Variants in HS6ST2 observed in about 807,000 individuals in gnomAD.
HS6ST2 encodes heparan-sulfate 6-O-sulfotransferase 2.
In HS6ST2, 17 loss-of-function variants were observed where a neutral mutation model predicts 33.0. That is an observed-to-expected ratio of 0.52 (90% CI 0.35 to 0.77). HS6ST2 has a LOEUF of 0.77. HS6ST2 is among the 30% of genes least tolerant of loss of function. The probability of loss-of-function intolerance (pLI) is 0.01; values close to 1 mark genes in which losing one functional copy is unlikely to be tolerated. For synonymous variants in HS6ST2, 248 were observed against 237.1 expected, an observed-to-expected ratio of 1.05 and a Z score of -0.42; for missense variants, 519 against 551.7, an observed-to-expected ratio of 0.94 and a Z score of 0.59.
At chrX:132,799,154 A>G (rs1028318683) in intron 2 of HS6ST2, among the ~76,000 whole-genome samples, 2 of 110,985 alleles carry the variant, frequency 1.8e-5, no homozygotes, top group Non-Finnish European at 3.8e-5. Context: ...TTTCAGAGAA[A>G]CTGATGGTTA....
intron 2 of HS6ST2, among the ~76,000 whole-genome samples, chrX:132,865,365 T>C (rs1266014124): frequency 9.0e-6 from 1 of 110,953 alleles, no homozygotes; most frequent in Non-Finnish European, 1.9e-5. Flanking sequence ...ATTTTCTTTA[T>C]CCAGTCTATC....
intron 2 of HS6ST2, among the ~76,000 whole-genome samples, chrX:132,807,491 G>A (rs770733550): frequency 1.6e-4 from 18 of 111,119 alleles, no homozygotes; most frequent in African/African-American, 5.9e-4. Flanking sequence ...TGTCAGGGTA[G>A]GGGAGGAGGA....
chrX:132,957,617 C>T (rs2067098325), intron 1 of HS6ST2, among the ~76,000 whole-genome samples: 1 of 109,363 alleles, frequency 9.1e-6, no homozygotes, highest in Admixed American at 9.5e-5. Flanking sequence ...CTCCCCGGAG[C>T]CCCTCCACGG....
intron 2 of HS6ST2, among the ~76,000 whole-genome samples, chrX:132,743,562 C>T (rs1174548698): frequency 8.9e-6 from 1 of 111,894 alleles, no homozygotes; most frequent in African/African-American, 3.3e-5. Context: ...TGACCACTTA[C>T]ATACCAAGCC....
intron 3 of HS6ST2, among the ~76,000 whole-genome samples, chrX:132,693,391 G>C (rs2064081476): frequency 8.9e-6 from 1 of 111,890 alleles, no homozygotes; most frequent in South Asian, 3.8e-4. Context: ...GGATTTACTA[G>C]TGGTGTCAAA....
At chrX:132,687,881 TG>T (rs2064031660) in intron 3 of HS6ST2, among the ~76,000 whole-genome samples, 1 of 111,297 alleles carries the variant, frequency 9.0e-6, no homozygotes, top group Non-Finnish European at 1.9e-5. Flanking sequence ...CCCCAGTAGT[TG>T]GGATTACAGG....
chrX:132,767,250 G>A (rs183904537), intron 2 of HS6ST2, among the ~76,000 whole-genome samples: 2 of 112,152 alleles, frequency 1.8e-5, no homozygotes, highest in South Asian at 3.8e-4. Flanking sequence ...ACAAGGTCTC[G>A]CTCTGTCACC....
chrX:132,687,180 T>C (rs2064024651), intron 3 of HS6ST2, among the ~76,000 whole-genome samples: 1 of 111,407 alleles, frequency 9.0e-6, no homozygotes, highest in Non-Finnish European at 1.9e-5. Flanking sequence ...ATGTCTTCTG[T>C]CCACTTATCA....
chrX:132,691,346 C>T (rs1029827808), intron 3 of HS6ST2, among the ~76,000 whole-genome samples: 20 of 111,489 alleles, frequency 1.8e-4, no homozygotes, highest in African/African-American at 6.2e-4. Context: ...CTACTAGGTG[C>T]TACCTCTTAA....
chrX:132,859,055 A>G (rs1364383448), intron 2 of HS6ST2, among the ~76,000 whole-genome samples: 1 of 112,125 alleles, frequency 8.9e-6, no homozygotes, highest in Non-Finnish European at 1.9e-5. Context: ...TTGACCTGCT[A>G]TATTAGAATG....
At chrX:132,727,166 C>A (rs1363351659) in intron 2 of HS6ST2, among the ~76,000 whole-genome samples, 2 of 108,458 alleles carry the variant, frequency 1.8e-5, no homozygotes, top group Non-Finnish European at 3.8e-5. Context: ...ACAATCTCAT[C>A]CCCACTCACT....
intron 2 of HS6ST2, among the ~76,000 whole-genome samples, chrX:132,815,885 C>G (rs2065389922): frequency 9.0e-6 from 1 of 111,262 alleles, no homozygotes; most frequent in Non-Finnish European, 1.9e-5. Flanking sequence ...GGGTTTCTTT[C>G]TAGAGTGATG....
At chrX:132,936,459 A>G (rs753821023) in intron 2 of HS6ST2, among the ~76,000 whole-genome samples, 36 of 112,021 alleles carry the variant, frequency 3.2e-4, no homozygotes, top group African/African-American at 1.1e-3. Flanking sequence ...AGGAGAAAAT[A>G]TCTCTCAACA....
At chrX:132,668,949 A>T (rs1052526306) in intron 4 of HS6ST2, among the ~76,000 whole-genome samples, 164 bp downstream of exon 4, 1 of 111,332 alleles carries the variant, frequency 9.0e-6, no homozygotes, top group African/African-American at 3.3e-5. Flanking sequence ...TATTACTGAC[A>T]CATGCCTTGC....
intron 2 of HS6ST2, among the ~76,000 whole-genome samples, chrX:132,740,525 C>T (rs934778234): frequency 1.8e-5 from 2 of 111,911 alleles, no homozygotes; most frequent in African/African-American, 6.5e-5. Flanking sequence ...ATTTACTTCT[C>T]CTGCTCTGCT....
chrX:132,769,591 C>A (rs917330370), intron 2 of HS6ST2, among the ~76,000 whole-genome samples: 1 of 112,349 alleles, frequency 8.9e-6, no homozygotes, highest in African/African-American at 3.2e-5. Flanking sequence ...TAATTTCAGA[C>A]TACAAAAGTC....
At chrX:132,792,767 G>A (rs2065129668) in intron 2 of HS6ST2, among the ~76,000 whole-genome samples, 1 of 111,497 alleles carries the variant, frequency 9.0e-6, no homozygotes, top group Non-Finnish European at 1.9e-5. Flanking sequence ...TGGCCTTTGT[G>A]TCTGGCTTCT....
chrX:132,799,188 T>C (rs1024439249), intron 2 of HS6ST2, among the ~76,000 whole-genome samples: 4 of 110,379 alleles, frequency 3.6e-5, no homozygotes, highest in Non-Finnish European at 5.7e-5. Flanking sequence ...ATTGCAATGT[T>C]CATAAATGCA....
chrX:132,872,821 C>A (rs950424711), intron 2 of HS6ST2, among the ~76,000 whole-genome samples: 1 of 111,570 alleles, frequency 9.0e-6, no homozygotes, highest in African/African-American at 3.3e-5. Flanking sequence ...ACAACATAGA[C>A]ACTTTTAACA....
Sources: allele counts gnomAD v4.1 joint callset (sites outside exome capture counted in the v4.1 genomes callset), GRCh38; gene constraint gnomAD v4.1.1; transcripts MANE v1.5; gene names NCBI Gene and HGNC (gene_info 2026-07-23, HGNC 2026-07-21).